Variants in RARB observed in about 807,000 individuals in gnomAD.
RARB encodes the protein retinoic acid receptor beta.
In RARB, 17 loss-of-function variants were observed where a neutral mutation model predicts 51.9. The ratio of observed to expected loss-of-function variants is 0.33; its 90% CI spans 0.22 to 0.49. The LOEUF is 0.49. Among genes scored for constraint, RARB ranks in the 20% least tolerant of loss-of-function variants. The probability of loss-of-function intolerance (pLI) is 0.99; values close to 1 mark genes in which losing one functional copy is unlikely to be tolerated. For missense variants in RARB, 369 were observed against 550.8 expected (o/e 0.67, Z 3.30); for synonymous variants, 215 against 195.4 (o/e 1.10, Z -0.84).
chr3:25,004,470 G>A (rs1041519284), intron 2 of RARB, among the ~76,000 whole-genome samples: 2 of 152,090 alleles, frequency 1.3e-5, no homozygotes, highest in Non-Finnish European at 2.9e-5. Flanking sequence ...AGGGCAGAGA[G>A]GGCTACAGCA....
chr3:25,205,472 G>A (rs1378152681), intron 5 of RARB, among the ~76,000 whole-genome samples: 1 of 152,088 alleles, frequency 6.6e-6, no homozygotes, highest in Admixed American at 6.5e-5. Context: ...GATGCACCTG[G>A]TACCTCAGTT....
chr3:25,422,309 A>C (rs780189408), intron 5 of RARB, among the ~76,000 whole-genome samples: 19 of 152,220 alleles, frequency 1.2e-4, no homozygotes, highest in Non-Finnish European at 2.8e-4. Flanking sequence ...TGTTCTTCTA[A>C]GCACTCTGTC....
At chr3:25,098,059 T>G (rs1030648736) in intron 3 of RARB, among the ~76,000 whole-genome samples, 1 of 152,166 alleles carries the variant, frequency 6.6e-6, no homozygotes, top group Non-Finnish European at 1.5e-5. Context: ...TGAAATATAA[T>G]GTACATGCAG....
chr3:25,465,138 A>T (rs967577428), intron 2 of RARB, among the ~76,000 whole-genome samples: 2 of 152,230 alleles, frequency 1.3e-5, no homozygotes, highest in African/African-American at 4.8e-5. Flanking sequence ...AGATTGCCAG[A>T]ATACCCCGTA....
rs550339350 is a variant in RARB at position 25,118,123 on chromosome 3, A to G, written c.-327-14038A>G. 1.2e-4 allele frequency among the ~76,000 whole-genome samples: 18 copies of G among 152,312 alleles called. No individual in the cohort carries two copies. In the South Asian group the frequency reaches 1.9e-3, roughly 16 times the overall value. On this transcript the variant is annotated intron_variant, in intron 3 of 11. Coordinates refer to the RARB transcript ENST00000383772. Reference sequence around the variant, plus strand: ...ATCCTGCCTGATATTGAGACCAAAGAGAAATTTCTCCAATAACTTTTTCTA... The same window carrying G: ...ATCCTGCCTGATATTGAGACCAAAGGGAAATTTCTCCAATAACTTTTTCTA...
intron 3 of RARB, among the ~76,000 whole-genome samples, chr3:25,060,874 T>C (rs142402479): frequency 3.9e-5 from 6 of 151,994 alleles, no homozygotes; most frequent in Admixed American, 3.3e-4. Context: ...ATTTATCTGT[T>C]AGTAGGTAAG....
At chr3:24,931,655 A>C (rs1050765539) in intron 2 of RARB, among the ~76,000 whole-genome samples, 1 of 152,118 alleles carries the variant, frequency 6.6e-6, no homozygotes, top group African/African-American at 2.4e-5. Flanking sequence ...TGCACTGAAC[A>C]ACTCTTGTAG....
intron 2 of RARB, among the ~76,000 whole-genome samples, chr3:24,925,442 A>G (rs1001530808): frequency 4.6e-5 from 7 of 151,966 alleles, no homozygotes; most frequent in African/African-American, 1.5e-4. Flanking sequence ...CAGGAATTTG[A>G]GACCAGCCTG....
intron 2 of RARB, among the ~76,000 whole-genome samples, chr3:24,928,517 T>C (rs1288957142): frequency 6.6e-6 from 1 of 152,082 alleles, no homozygotes; most frequent in Non-Finnish European, 1.5e-5. Flanking sequence ...CTTAGCTAAA[T>C]GATTGATTAT....
chr3:25,321,920 A>C (rs1704583388), intron 5 of RARB, among the ~76,000 whole-genome samples: 1 of 151,994 alleles, frequency 6.6e-6, no homozygotes, highest in Non-Finnish European at 1.5e-5. Flanking sequence ...GGAGGCAGGC[A>C]GTAGAAGGAT....
At position 25,478,919 on chromosome 3, in the gene RARB, C is replaced by T. The variant is rs1045338368; in HGVS notation, c.306+17578C>T. ...CTCCAGTCCTTGCGTTTTCAGGGTG[C>T]TGCCTGCCAAAATAGTTATTTATTC... On this transcript the variant is annotated intron_variant, in intron 2 of 7. Coordinates refer to ENST00000330688, the MANE Select transcript of RARB (RefSeq NM_000965.5). 2.6e-5 allele frequency among the ~76,000 whole-genome samples: 4 copies of T among 152,158 alleles called. No homozygotes were observed. The East Asian group carries it at 7.7e-4, about 29-fold the overall frequency.
chr3:24,861,221 A>G (rs937242554), intron 2 of RARB, among the ~76,000 whole-genome samples: 1 of 152,186 alleles, frequency 6.6e-6, no homozygotes, highest in Non-Finnish European at 1.5e-5. Flanking sequence ...ATTACATTGT[A>G]TTAGGTATAA....
intron 3 of RARB, among the ~76,000 whole-genome samples, chr3:25,518,716 G>A (rs745703411): frequency 2.4e-4 from 37 of 152,010 alleles, no homozygotes; most frequent in Non-Finnish European, 4.9e-4. Context: ...GCATTTATGG[G>A]TATTGTCTAT....
chr3:25,063,694 C>T (rs1688333448), intron 3 of RARB, among the ~76,000 whole-genome samples: 1 of 150,534 alleles, frequency 6.6e-6, no homozygotes, highest in Admixed American at 6.6e-5. Context: ...GTCCGTAGAC[C>T]TTGTAGTTTG....
At chr3:25,491,270 C>A (rs547797318) in intron 2 of RARB, among the ~76,000 whole-genome samples, 18 of 152,196 alleles carry the variant, frequency 1.2e-4, no homozygotes, top group Admixed American at 3.3e-4. Flanking sequence ...TCCCACTCCC[C>A]CTGCACCCCC....
intron 3 of RARB, among the ~76,000 whole-genome samples, chr3:25,506,274 A>AAAAAAG (rs1559440305): frequency 6.7e-6 from 1 of 150,080 alleles, no homozygotes. Context: ...AAAAAAAAAA[A>AAAAAAG]AACCAGCTCT....
chr3:25,305,988 G>A (rs953568938), intron 5 of RARB, among the ~76,000 whole-genome samples: 3 of 152,152 alleles, frequency 2.0e-5, no homozygotes, highest in Admixed American at 6.5e-5. Context: ...CATCTAATCT[G>A]CCATATAGAG....
At chr3:24,835,105 C>T (rs187887871) in intron 1 of RARB, among the ~76,000 whole-genome samples, 1 of 152,208 alleles carries the variant, frequency 6.6e-6, no homozygotes, top group East Asian at 1.9e-4. Context: ...GTGAGTTTTG[C>T]CCTGGCTGTT....
intron 2 of RARB, among the ~76,000 whole-genome samples, chr3:24,998,280 T>TG (rs903766989): frequency 2.6e-5 from 4 of 151,626 alleles, no homozygotes; most frequent in Admixed American, 6.6e-5. Flanking sequence ...GTAGTTTGTT[T>TG]TTTTTTTTTT....
Sources: allele counts gnomAD v4.1 joint callset (sites outside exome capture counted in the v4.1 genomes callset), GRCh38; gene constraint gnomAD v4.1.1; transcripts MANE v1.5; gene names NCBI Gene and HGNC (gene_info 2026-07-23, HGNC 2026-07-21).